Variants in COL4A2 observed in about 807,000 individuals in gnomAD.
The protein encoded by COL4A2 is collagen alpha-2(IV) chain.
In COL4A2, 99 loss-of-function variants were observed where a neutral mutation model predicts 200.2. The observed-to-expected ratio is 0.49, with a 90% confidence interval of 0.42 to 0.58. COL4A2 has a LOEUF of 0.58. COL4A2 is among the 20% of genes least tolerant of loss of function. The pLI, the probability that COL4A2 is intolerant of heterozygous loss-of-function variation, is 0.00. For synonymous variants in COL4A2, 897 were observed against 900.6 expected (o/e 1.00, Z 0.07); for missense variants, 1,950 against 2,314.1 (o/e 0.84, Z 3.23).
intron 36 of COL4A2, 71 bp downstream of exon 36, chr13:110,489,856 C>G: frequency 6.8e-7 from 1 of 1,475,014 alleles, no homozygotes; most frequent in Non-Finnish European, 9.2e-7. Context: ...GCCCGACTTG[C>G]CAAACAGATC....
chr13:110,461,825 G>A (rs561639752), intron 22 of COL4A2, among the ~76,000 whole-genome samples: 3 of 152,274 alleles, frequency 2.0e-5, no homozygotes, highest in South Asian at 2.1e-4. Context: ...GTGAATCACC[G>A]CGCCCGGCCA....
At chr13:110,439,654 A>AAATCTGGACCTGAGACTTGTTC in intron 15 of COL4A2, 135 bp from the exon 16 acceptor site, 1 of 1,442,840 alleles carries the variant, frequency 6.9e-7, no homozygotes, top group Non-Finnish European at 9.5e-7. Context: ...CTATTCTTCA[A>AAATCTGGACCTGAGACTTGTTC]AATCTGGACC....
intron 3 of COL4A2, among the ~76,000 whole-genome samples, chr13:110,338,594 G>A (rs1164090174): frequency 2.0e-5 from 3 of 152,300 alleles, no homozygotes; most frequent in South Asian, 2.1e-4. Context: ...GCTAAACCTG[G>A]GACCCCAGGG....
intron 3 of COL4A2, among the ~76,000 whole-genome samples, chr13:110,338,955 G>A (rs1208298218): frequency 6.6e-6 from 1 of 152,216 alleles, no homozygotes; most frequent in Non-Finnish European, 1.5e-5. Context: ...CCCATAAAAG[G>A]AAGAAAATGG....
intron 24 of COL4A2, 50 bp from the exon 25 acceptor site, chr13:110,465,355 A>T (rs985711293): frequency 6.5e-7 from 1 of 1,540,858 alleles, no homozygotes; most frequent in Non-Finnish European, 8.7e-7. Context: ...AGTCGAGGCG[A>T]TCTTTAACAT....
intron 4 of COL4A2, among the ~76,000 whole-genome samples, chr13:110,363,729 C>T (rs974921269): frequency 6.6e-5 from 10 of 152,158 alleles, no homozygotes; most frequent in African/African-American, 2.4e-4. Flanking sequence ...TTGTGTATTG[C>T]CGTCATAAAC....
Position 110,508,818 on chromosome 13 carries a change from C to T in COL4A2, c.4881+597C>T, listed in dbSNP as rs1191285369. On this transcript the variant is annotated intron_variant, in intron 47 of 47. Coordinates refer to ENST00000360467, the MANE Select transcript of COL4A2 (RefSeq NM_001846.4). The surrounding 1 kb of genome is among the most constrained non-coding windows in gnomAD (Gnocchi z 6.1). ...TGGGTATAAAATAGAGAACCCTCAG[C>T]TTTGGCCAGATTAGGTTTAGCTTAA... Among the ~76,000 whole-genome samples, 2 of 152,170 alleles carry T rather than the reference C, an allele frequency of 1.3e-5. No individual in the cohort carries two copies. Among genetic ancestry groups the T allele is most frequent in the Non-Finnish European group, 2.9e-5 (2 of 68,044 alleles).
intron 4 of COL4A2, among the ~76,000 whole-genome samples, chr13:110,358,564 A>G (rs1158668878): frequency 6.6e-6 from 1 of 152,254 alleles, no homozygotes; most frequent in African/African-American, 2.4e-5. Flanking sequence ...GCATGTCCAC[A>G]CTTTGATGCA....
intron 3 of COL4A2, 136 bp from the exon 4 acceptor site, chr13:110,357,336 T>C: frequency 7.4e-7 from 1 of 1,350,576 alleles, no homozygotes; most frequent in South Asian, 1.5e-5. Flanking sequence ...GTCTATTTTT[T>C]TAAAAAAGCC....
intron 45 of COL4A2, among the ~76,000 whole-genome samples, chr13:110,505,194 C>CA (rs774571212): frequency 1.3e-4 from 19 of 151,346 alleles, no homozygotes; most frequent in Non-Finnish European, 2.4e-4. Flanking sequence ...ACTAAAAATA[C>CA]AAAAAATTAG....
chr13:110,419,032 T>C (rs766552955), intron 4 of COL4A2, among the ~76,000 whole-genome samples: 16 of 152,186 alleles, frequency 1.1e-4, no homozygotes, highest in Non-Finnish European at 1.6e-4. Flanking sequence ...GGCAAAGAGC[T>C]CACAGAAATT....
intron 4 of COL4A2, among the ~76,000 whole-genome samples, chr13:110,414,511 C>T (rs1879966496): frequency 6.6e-6 from 1 of 152,152 alleles, no homozygotes; most frequent in South Asian, 2.1e-4. Flanking sequence ...CTGTTAAAAT[C>T]CAGGACAGGA....
In COL4A2 at chr13:110,462,106, T is replaced by A. The variant is rs1882049027; in HGVS notation, c.1597-8T>A. 4 of 1,614,240 alleles carry A rather than the reference T, an allele frequency of 2.5e-6. No homozygotes were observed. Among genetic ancestry groups the A allele is most frequent in the Non-Finnish European group, 3.4e-6 (4 of 1,180,046 alleles). On this transcript the variant is annotated splice_region_variant and splice_polypyrimidine_tract_variant and intron_variant, in intron 22 of 47. Transcript: ENST00000360467. Reference sequence around the variant, plus strand: ...GAAGGAAGATATTTTTTTGTCTGTTTTCCACAGGGAGTGCCTGGCAACATT... The same window carrying A: ...GAAGGAAGATATTTTTTTGTCTGTTATCCACAGGGAGTGCCTGGCAACATT...
intron 4 of COL4A2, among the ~76,000 whole-genome samples, chr13:110,406,605 G>A (rs772768207): frequency 3.3e-5 from 5 of 150,550 alleles, no homozygotes; most frequent in Non-Finnish European, 7.4e-5. Context: ...AAATTTAGAT[G>A]TGAGTACCTG....
intron 4 of COL4A2, among the ~76,000 whole-genome samples, chr13:110,358,735 TGA>T (rs1175999547): frequency 1.3e-5 from 2 of 152,188 alleles, no homozygotes; most frequent in Admixed American, 6.5e-5. Context: ...CCATTTGAAA[TGA>T]GAGTGTCTTA....
Position 110,452,319 on chromosome 13 carries a change from C to T in COL4A2, c.1339+1865C>T, listed in dbSNP as rs183906120. ...CTGGGACCACAGGCGCCCGCCCTCA[C>T]GCCCGGCTAATTTTTTGTATTTTTA... On this transcript the variant is annotated intron_variant, in intron 20 of 47. Coordinates refer to ENST00000360467, the MANE Select transcript of COL4A2 (RefSeq NM_001846.4). 2.6e-4 allele frequency among the ~76,000 whole-genome samples: 39 copies of T among 152,176 alleles called. 1 individual carries two copies. The East Asian group carries it at 7.1e-3, about 28-fold the overall frequency.
chr13:110,371,840 A>ATTGTCT (rs776624578), intron 4 of COL4A2, among the ~76,000 whole-genome samples: 5 of 152,090 alleles, frequency 3.3e-5, no homozygotes, highest in Non-Finnish European at 7.3e-5. Flanking sequence ...CCGGGAGCTC[A>ATTGTCT]TTGTCTTTCC....
At chr13:110,480,465 T>C in intron 31 of COL4A2, 75 bp downstream of exon 31, 1 of 1,470,002 alleles carries the variant, frequency 6.8e-7, no homozygotes, top group Non-Finnish European at 9.1e-7. Context: ...GAGACAGCTC[T>C]GCTGGGCGCC....
At chr13:110,413,215 G>A (rs558298593) in intron 4 of COL4A2, among the ~76,000 whole-genome samples, 1 of 152,276 alleles carries the variant, frequency 6.6e-6, no homozygotes, top group South Asian at 2.1e-4. Flanking sequence ...CATGAATTTC[G>A]GAGCCAGGCA....
Sources: allele counts gnomAD v4.1 joint callset (sites outside exome capture counted in the v4.1 genomes callset), GRCh38; gene constraint gnomAD v4.1.1; non-coding constraint Gnocchi (gnomAD v3.1); transcripts MANE v1.5; gene names NCBI Gene and HGNC (gene_info 2026-07-23, HGNC 2026-07-21).